LMCD1: variants seen among roughly 807,000 people sequenced by gnomAD.
LMCD1 encodes LIM and cysteine rich domains 1, also known as LIM and cysteine-rich domains protein 1.
A neutral mutation model predicts 42.7 loss-of-function variants in LMCD1; 32 were observed. The observed-to-expected ratio is 0.75, with a 90% confidence interval of 0.57 to 1.01. The LOEUF (loss-of-function observed/expected upper bound fraction) is 1.01, where lower values mean the gene tolerates loss of function less well. LMCD1 is among the 50% of genes least tolerant of loss of function. The pLI is 0.00. For synonymous variants in LMCD1, 178 were observed against 184.9 expected (o/e 0.96, Z 0.30); for missense variants, 458 against 483.1 (o/e 0.95, Z 0.49).
intron 4 of LMCD1, among the ~76,000 whole-genome samples, chr3:8,563,532 G>A (rs992335673): frequency 1.3e-5 from 2 of 152,234 alleles, no homozygotes; most frequent in African/African-American, 4.8e-5. Flanking sequence ...TTAGTGGAGA[G>A]AACAGATATA....
Position 8,569,980 on chromosome 3 carries a change from C to CAA in LMCD1, c.*2396_*2397dup, listed in dbSNP as rs57776112. 2,026 of 138,552 alleles carry CAA rather than the reference C, an allele frequency of 0.015. 54 individuals carry two copies. Among genetic ancestry groups the CAA allele is most frequent in the African/African-American group, 0.038 (1,342 of 35,532 alleles). 8.6% of individuals were successfully genotyped at this position (138,552 alleles called of 1,614,324 possible). On this transcript the variant is annotated 3_prime_UTR_variant, in exon 6 of 6. Transcript: ENST00000157600. ...GGGTGACAGAGTGAGACCCTGTTTC[C>CAA]AAAAAAAAAAAAAAAGGATAGGTTG...
intron 4 of LMCD1, among the ~76,000 whole-genome samples, chr3:8,563,015 A>T (rs1327844890): frequency 6.6e-6 from 1 of 152,246 alleles, no homozygotes; most frequent in Admixed American, 6.5e-5. Flanking sequence ...GTGCAGACAG[A>T]TGCATCATCT....
chr3:8,517,050 G>A (rs541981941), intron 1 of LMCD1, among the ~76,000 whole-genome samples: 1 of 152,320 alleles, frequency 6.6e-6, no homozygotes, highest in South Asian at 2.1e-4. Context: ...GAGGGATTAA[G>A]TCCCATGGTT....
chr3:8,546,701 T>G (rs1009366321), intron 3 of LMCD1, among the ~76,000 whole-genome samples: 4 of 152,154 alleles, frequency 2.6e-5, no homozygotes, highest in African/African-American at 9.7e-5. Flanking sequence ...ACAGTGCTGC[T>G]TGTAAGAACA....
intron 1 of LMCD1, among the ~76,000 whole-genome samples, chr3:8,525,147 C>T (rs1694276587): frequency 6.6e-6 from 1 of 152,204 alleles, no homozygotes; most frequent in South Asian, 2.1e-4. Context: ...AGAACTTACT[C>T]ATCCTGCCTA....
At chr3:8,532,453 C>T (rs144356047) in intron 1 of LMCD1, among the ~76,000 whole-genome samples, 3 of 152,242 alleles carry the variant, frequency 2.0e-5, no homozygotes, top group Non-Finnish European at 4.4e-5. Flanking sequence ...CGTTTCCAAC[C>T]AGTCTTGCTG....
intron 1 of LMCD1, among the ~76,000 whole-genome samples, chr3:8,525,453 T>G (rs1694282311): frequency 6.6e-6 from 1 of 152,170 alleles, no homozygotes; most frequent in African/African-American, 2.4e-5. Context: ...ACATTTTCTT[T>G]TTCCATTTAT....
chr3:8,502,025 TTG>T, intron 1 of LMCD1, 45 bp downstream of exon 1: 1 of 1,418,136 alleles, frequency 7.1e-7, no homozygotes, highest in Non-Finnish European at 9.2e-7. Flanking sequence ...TTACTTTTTC[TTG>T]TTCCCCTTCC....
At position 8,538,395 on chromosome 3, in the gene LMCD1, G is replaced by A. The variant is rs576066118; in HGVS notation, c.387+955G>A. On this transcript the variant is annotated intron_variant, in intron 3 of 5. Coordinates refer to ENST00000157600, the MANE Select transcript of LMCD1 (RefSeq NM_014583.4). ...CTATATGTTAATACAATTTGTAGAA[G>A]GTTCAACAATTTTAAAAATGCAAGC... Among the ~76,000 whole-genome samples the A allele has an allele frequency of 2.6e-5, 4 of 152,336 alleles. No homozygotes were observed. In the South Asian group the frequency reaches 8.3e-4, roughly 32 times the overall value.
rs1695255252 is a variant in LMCD1, at chr3:8,573,629, T to C, written c.*6031T>C. The C allele has an allele frequency of 6.6e-6, 1 of 152,208 alleles. No individual in the cohort carries two copies. Among genetic ancestry groups the C allele is most frequent in the Non-Finnish European group, 1.5e-5 (1 of 68,046 alleles). The allele number at this position is 152,208 out of a possible 1,614,324, so 9.4% of individuals were successfully genotyped here. The stretch of plus-strand genomic sequence containing the variant: ...GAAGGAAGAAATGTGTTTTCTCCTT[T>C]TTCTCAAGTGATATTTGCCTTAGGT... On this transcript the variant is annotated 3_prime_UTR_variant, in exon 6 of 6. Transcript: ENST00000157600.
intron 3 of LMCD1, among the ~76,000 whole-genome samples, chr3:8,543,632 G>A (rs1694679341): frequency 6.6e-6 from 1 of 152,176 alleles, no homozygotes; most frequent in Non-Finnish European, 1.5e-5. Flanking sequence ...ACAGGCATGT[G>A]CCACCACACC....
intron 1 of LMCD1, among the ~76,000 whole-genome samples, chr3:8,515,581 C>A (rs1376279331): frequency 6.6e-6 from 1 of 152,196 alleles, no homozygotes; most frequent in Non-Finnish European, 1.5e-5. Context: ...GAACAGAGAC[C>A]ATTCCGTCTT....
At position 8,565,659 on chromosome 3, in the gene LMCD1, C is replaced by T; in HGVS notation, c.939+12C>T. The T allele has an allele frequency of 6.3e-7, 1 of 1,577,316 alleles. No individual in the cohort carries two copies. Among genetic ancestry groups the T allele is most frequent in the East Asian group, 2.3e-5 (1 of 42,956 alleles). On this transcript the variant is annotated intron_variant, in intron 5 of 5. Transcript: ENST00000157600. ...CCGGCTGCGATGAGGTGGGAGATAG[C>T]CGCGAGATGGGTTAGGGGGCTTGAG... is the stretch of plus-strand genomic sequence containing the variant.
At position 8,569,527 on chromosome 3, in the gene LMCD1, T is replaced by C. The variant is rs569678870; in HGVS notation, c.*1929T>C. On this transcript the variant is annotated 3_prime_UTR_variant, in exon 6 of 6. Transcript: ENST00000157600. ...CAGTGACCCCTACGCCCATAGATGT[T>C]ACGGTCTGTGGGGGAGATGGGCCTC... 1 of 152,328 alleles carries C rather than the reference T, an allele frequency of 6.6e-6. No homozygotes were observed. The highest frequency in any genetic ancestry group is 6.5e-5 in the Admixed American group (1 of 15,298). The allele number at this position is 152,328 out of a possible 1,614,324, so 9.4% of individuals were successfully genotyped here. A position where few individuals can be genotyped will look rare whatever the true frequency, so the allele number is the denominator to read the frequency against.
At chr3:8,506,994 G>A (rs1295355814) in intron 1 of LMCD1, among the ~76,000 whole-genome samples, 1 of 152,244 alleles carries the variant, frequency 6.6e-6, no homozygotes, top group Non-Finnish European at 1.5e-5. Context: ...CCAAAATGAA[G>A]AGACAGCTGT....
chr3:8,541,326 G>T (rs1182663713), intron 3 of LMCD1, among the ~76,000 whole-genome samples: 1 of 152,174 alleles, frequency 6.6e-6, no homozygotes, highest in African/African-American at 2.4e-5. Context: ...GAGGCAGGTG[G>T]ATCACCTGAG....
At chr3:8,512,617 C>T (rs7622989) in intron 1 of LMCD1, among the ~76,000 whole-genome samples, 60,271 of 152,042 alleles carry the variant, frequency 0.4, 12,820 homozygotes, top group Non-Finnish European at 0.49. Flanking sequence ...GGGGAAGATA[C>T]AACCCTATAA....
intron 1 of LMCD1, among the ~76,000 whole-genome samples, chr3:8,521,165 C>T (rs2125016253): frequency 6.6e-6 from 1 of 152,252 alleles, no homozygotes; most frequent in African/African-American, 2.4e-5. Context: ...AACATGTAAA[C>T]ATCAGCTGTC....
At chr3:8,549,737 A>G (rs1694805289) in intron 4 of LMCD1, 1 of 688,938 alleles carries the variant, frequency 1.5e-6, no homozygotes, top group African/African-American at 1.8e-5. Context: ...GAGGCTGAGA[A>G]GTCCAAGGCC....
Sources: allele counts gnomAD v4.1 joint callset (sites outside exome capture counted in the v4.1 genomes callset), GRCh38; gene constraint gnomAD v4.1.1; transcripts MANE v1.5; gene names NCBI Gene and HGNC (gene_info 2026-07-23, HGNC 2026-07-21).